CHDH: variants seen among roughly 807,000 people sequenced by gnomAD.
The protein encoded by CHDH is choline dehydrogenase.
A neutral mutation model predicts 56.9 loss-of-function variants in CHDH; 43 were observed. The ratio of observed to expected loss-of-function variants is 0.76; its 90% confidence interval spans 0.59 to 0.97. The LOEUF is 0.97. CHDH is among the 50% of genes least tolerant of loss of function. CHDH has a pLI of 0.00. For synonymous variants in CHDH, 364 were observed against 348.5 expected, an observed-to-expected ratio of 1.04 and a Z score of -0.50; for missense variants, 816 against 821.1, an observed-to-expected ratio of 0.99 and a Z score of 0.08.
In CHDH at chr3:53,822,640, T is replaced by A; in HGVS notation, c.706A>T (p.Lys236Ter). Residue 236 changes from lysine (K) to a stop codon, truncating the protein, a stop_gained and splice_region_variant, in exon 4 of 9, where the codon AAA (lysine) becomes TAA (stop). Coordinates refer to ENST00000315251, the MANE Select transcript of CHDH (RefSeq NM_018397.5). LOFTEE classifies it high-confidence loss of function. ...GWMDMTIHEG[K>*]RWSAACAYLH... is the part of the protein sequence containing the mutation. ...TAGGCACAGGCCGCGCTCCACCGTT[T>A]GCCTGCAGGATGGAGTGAGGTGGTC... 6.2e-7 allele frequency: 1 copy of A among 1,607,554 alleles called. No homozygotes were observed.
intron 2 of CHDH, among the ~76,000 whole-genome samples, chr3:53,829,942 G>A (rs989572012): frequency 6.6e-6 from 1 of 152,146 alleles, no homozygotes; most frequent in Non-Finnish European, 1.5e-5. Context: ...GTGGTGGGGG[G>A]TTGATCCCAC....
At position 53,821,650 on chromosome 3, in the gene CHDH, G is replaced by A. The variant is rs2095626738; in HGVS notation, c.982C>T (p.Pro328Ser). ...KLGIPVVCHL[P>S]GVGQNLQDHL... is the part of the protein sequence containing the mutation. ...AGCAGTAAAGAAGGGGACTCACCAG[G>A]TAGGTGGCACACCACAGGGATGCCC... The change falls in exon 5 of 9, where the codon CCT (proline) becomes TCT (serine). Residue 328 changes from proline (P) to serine (S), a missense_variant. Transcript: ENST00000315251. 6.2e-7 allele frequency: 1 copy of A among 1,613,428 alleles called. No homozygotes were observed. The highest frequency in any genetic ancestry group is 1.3e-5 in the African/African-American group (1 of 74,916).
intron 2 of CHDH, among the ~76,000 whole-genome samples, chr3:53,830,856 C>A (rs937455483): frequency 2.6e-5 from 4 of 152,058 alleles, no homozygotes; most frequent in Non-Finnish European, 5.9e-5. Flanking sequence ...CCCCCACCCC[C>A]ACAGGAACAC....
In CHDH at chr3:53,846,231, G is replaced by C; in HGVS notation, c.-279C>G. The C allele has an allele frequency of 4.3e-6, 1 of 233,948 alleles. No homozygotes were observed. The highest frequency in any genetic ancestry group is 1.4e-3 in the Middle Eastern group (1 of 716). The allele number at this position is 233,948 out of a possible 1,614,324, so 14.5% of individuals were successfully genotyped here. A position where few individuals can be genotyped will look rare whatever the true frequency, so the allele number is the denominator to read the frequency against. On this transcript the variant is annotated 5_prime_UTR_variant, in exon 1 of 9. Coordinates refer to ENST00000315251, the MANE Select transcript of CHDH (RefSeq NM_018397.5). ...TCCGGAATGGGGACGCAGCAGTTCC[G>C]ACCCGGTCGGCCCCGGAGCCGCGAG...
At chr3:53,833,703 T>C (rs1245441620) in intron 2 of CHDH, among the ~76,000 whole-genome samples, 1 of 152,084 alleles carries the variant, frequency 6.6e-6, no homozygotes, top group African/African-American at 2.4e-5. Context: ...GTGCCTGCAC[T>C]CCCAGCCCAC....
chr3:53,823,837 TCCCAGCCAGCACGCAGCCCGC>T lies in CHDH; in HGVS notation c.151_171del (p.Ala51_Gly57del). ...CGCTCGGCGGGGTCCTCCGTGAGCC[TCCCAGCCAGCACGCAGCCCGC>T]CGAGCCCGCGCCCACCACCACATAG... On this transcript the variant is annotated inframe_deletion, in exon 3 of 9. Coordinates refer to ENST00000315251, the MANE Select transcript of CHDH (RefSeq NM_018397.5). 1 of 1,584,700 alleles carries T rather than the reference TCCCAGCCAGCACGCAGCCCGC, an allele frequency of 6.3e-7. No homozygotes were observed. The highest frequency in any genetic ancestry group is 1.7e-4 in the Middle Eastern group (1 of 5,870).
intron 2 of CHDH, among the ~76,000 whole-genome samples, chr3:53,834,512 G>A (rs1326739953): frequency 6.6e-6 from 1 of 152,178 alleles, no homozygotes; most frequent in Non-Finnish European, 1.5e-5. Context: ...GTCAGAAAAC[G>A]GATTGCTTTA....
At chr3:53,836,694 G>T (rs1449666011) in intron 2 of CHDH, among the ~76,000 whole-genome samples, 1 of 152,232 alleles carries the variant, frequency 6.6e-6, no homozygotes, top group Non-Finnish European at 1.5e-5. Flanking sequence ...CTGGCCAAGG[G>T]GACACATGCA....
chr3:53,836,993 G>C (rs1303139525), intron 2 of CHDH, among the ~76,000 whole-genome samples: 6 of 152,154 alleles, frequency 3.9e-5, no homozygotes, highest in Admixed American at 1.3e-4. Context: ...GACCAGCCTG[G>C]GCAACATAGC....
chr3:53,823,210 C>G, intron 3 of CHDH, 96 bp downstream of exon 3: 1 of 1,191,800 alleles, frequency 8.4e-7, no homozygotes, highest in East Asian at 2.6e-5. Context: ...TGCCTCCTGA[C>G]CATGCTGGAG....
chr3:53,825,528 G>A (rs1467383891), intron 2 of CHDH, among the ~76,000 whole-genome samples: 3 of 152,044 alleles, frequency 2.0e-5, no homozygotes, highest in Non-Finnish European at 4.4e-5. Flanking sequence ...TATAAAGAGG[G>A]GAAGAGAGAA....
rs1264808508 is a variant in CHDH at position 53,812,639 on chromosome 3, C to T, written c.*5138G>A. 1 of 152,154 alleles carries T rather than the reference C, an allele frequency of 6.6e-6. No homozygotes were observed. Among genetic ancestry groups the T allele is most frequent in the African/African-American group, 2.4e-5 (1 of 41,424 alleles). 9.4% of individuals were successfully genotyped at this position (152,154 alleles called of 1,614,324 possible). A position where few individuals can be genotyped will look rare whatever the true frequency, so the allele number is the denominator to read the frequency against. ...AGCAGGTCCAGCTGGCTGCTCTGCC[C>T]CTTGGGTATCCATAGTTACGGTTTT... On this transcript the variant is annotated 3_prime_UTR_variant, in exon 9 of 9. Transcript: ENST00000315251.
At position 53,831,118 on chromosome 3, in the gene CHDH, G is replaced by T. The variant is rs963245810; in HGVS notation, c.-59-7051C>A. ...GCCCTTGGGCCTTAAGTGAATGCTG[G>T]TGGTATCCTGGCAGTCCTCCCTGTG... On this transcript the variant is annotated intron_variant, in intron 2 of 8. Coordinates refer to ENST00000315251, the MANE Select transcript of CHDH (RefSeq NM_018397.5). Among the ~76,000 whole-genome samples the T allele has an allele frequency of 1.1e-4, 16 of 152,352 alleles. No individual in the cohort carries two copies. The East Asian group carries it at 3.1e-3, about 29-fold the overall frequency.
In CHDH at chr3:53,840,943, T is replaced by C. The variant is rs773073123; in HGVS notation, c.-74A>G. 1.3e-5 allele frequency: 2 copies of C among 152,132 alleles called. No individual in the cohort carries two copies. Among genetic ancestry groups the C allele is most frequent in the Non-Finnish European group, 2.9e-5 (2 of 68,018 alleles). 9.4% of individuals were successfully genotyped at this position (152,132 alleles called of 1,614,324 possible). A position where few individuals can be genotyped will look rare whatever the true frequency, so the allele number is the denominator to read the frequency against. ...AAAATACCCACCTCACATCCAGAAGTGACAGGATACGGTGCACTCTGTGAC... is the reference window on the plus strand; with the variant it reads ...AAAATACCCACCTCACATCCAGAAGCGACAGGATACGGTGCACTCTGTGAC... On this transcript the variant is annotated 5_prime_UTR_variant, in exon 2 of 9. Coordinates refer to ENST00000315251, the MANE Select transcript of CHDH (RefSeq NM_018397.5).
chr3:53,814,255 G>GTT lies in CHDH; in HGVS notation c.*3520_*3521dup, dbSNP rs1279660475. ...TTGCATTTCCTAGAAAAGTTGTACT[G>GTT]TTTTGATAGGCAGCTGGCTGGTTTA... is the stretch of plus-strand genomic sequence containing the variant. On this transcript the variant is annotated 3_prime_UTR_variant, in exon 9 of 9. Coordinates refer to ENST00000315251, the MANE Select transcript of CHDH (RefSeq NM_018397.5). 1 of 152,208 alleles carries GTT rather than the reference G, an allele frequency of 6.6e-6. No individual in the cohort carries two copies. Among genetic ancestry groups the GTT allele is most frequent in the Non-Finnish European group, 1.5e-5 (1 of 68,044 alleles). 9.4% of individuals were successfully genotyped at this position (152,208 alleles called of 1,614,324 possible).
At chr3:53,837,292 G>A (rs1386362967) in intron 2 of CHDH, among the ~76,000 whole-genome samples, 1 of 152,248 alleles carries the variant, frequency 6.6e-6, no homozygotes, top group Non-Finnish European at 1.5e-5. Flanking sequence ...AACTGAATTG[G>A]AAACTGCTAC....
chr3:53,830,453 T>C (rs548482461), intron 2 of CHDH, among the ~76,000 whole-genome samples: 1 of 151,832 alleles, frequency 6.6e-6, no homozygotes, highest in East Asian at 1.9e-4. Flanking sequence ...TGTGAAGTTT[T>C]AAAACATGCA....
intron 5 of CHDH, 42 bp from the exon 6 acceptor site, chr3:53,820,650 G>T: frequency 6.3e-7 from 1 of 1,583,008 alleles, no homozygotes. Context: ...CTACCAAGGG[G>T]GCTCAGCTGC....
chr3:53,845,675 C>A (rs905886028), intron 1 of CHDH, among the ~76,000 whole-genome samples: 2 of 152,072 alleles, frequency 1.3e-5, no homozygotes, highest in Non-Finnish European at 2.9e-5. Context: ...CCGGACCTGC[C>A]GTCTGGATCT....
Sources: gnomAD v4.1 joint callset for allele counts (sites outside exome capture counted in the v4.1 genomes callset) on GRCh38, gnomAD v4.1.1 for gene constraint, MANE v1.5 for transcripts, NCBI Gene and HGNC (gene_info 2026-07-23, HGNC 2026-07-21) for gene names.